CYFIP2: variants seen among roughly 807,000 people sequenced by gnomAD.
The protein encoded by CYFIP2 is cytoplasmic FMR1-interacting protein 2.
In CYFIP2, 29 loss-of-function variants were observed where a neutral mutation model predicts 158.7. The ratio of observed to expected loss-of-function variants is 0.18; its 90% confidence interval spans 0.14 to 0.25. CYFIP2 has a LOEUF of 0.25. Among genes scored for constraint, CYFIP2 ranks in the 10% least tolerant of loss-of-function variants. The probability of loss-of-function intolerance (pLI) is 1.00; values close to 1 mark genes in which losing one functional copy is unlikely to be tolerated. For synonymous variants in CYFIP2, 585 were observed against 617.6 expected (o/e 0.95, Z 0.78); for missense variants, 852 against 1,639.5 (o/e 0.52, Z 8.29).
intron 23 of CYFIP2, chr5:157,342,786 A>G (rs190293152): frequency 2.8e-6 from 4 of 1,406,682 alleles, no homozygotes; most frequent in East Asian, 4.8e-5. Context: ...TGGGTAGTCT[A>G]TAGACACATT....
intron 1 of CYFIP2, among the ~76,000 whole-genome samples, chr5:157,270,392 G>T (rs1755992508): frequency 6.6e-6 from 1 of 152,192 alleles, no homozygotes; most frequent in Admixed American, 6.5e-5. Flanking sequence ...TTGCCTATGT[G>T]GGTGGAATAA....
At chr5:157,301,545 C>G (rs1028774037) in intron 6 of CYFIP2, among the ~76,000 whole-genome samples, 3 of 152,168 alleles carry the variant, frequency 2.0e-5, no homozygotes, top group African/African-American at 7.2e-5. Flanking sequence ...TATGCTAAAC[C>G]TTCTATCAGT....
In CYFIP2 at chr5:157,360,350, C is replaced by T. The variant is rs1763721742; in HGVS notation, c.2886C>T (p.Pro962=). 6.2e-7 allele frequency: 1 copy of T among 1,613,818 alleles called. No individual in the cohort carries two copies. Among genetic ancestry groups the T allele is most frequent in the Non-Finnish European group, 8.5e-7 (1 of 1,179,768 alleles). The change falls in exon 25 of 31, where the codon CCC becomes CCT. Residue 962 remains proline, a synonymous_variant. Coordinates refer to ENST00000620254, the MANE Select transcript of CYFIP2 (RefSeq NM_001037333.3). The part of the protein sequence containing the change: ...IEVMPKICRL[P]RHEYGSPGIL... ...TGATGCCCAAGATATGCCGCTTGCC[C>T]CGACATGAGTATGGCTCCCCAGGTT...
intron 23 of CYFIP2, chr5:157,342,904 C>A (rs1249049123): frequency 2.5e-6 from 4 of 1,614,066 alleles, no homozygotes; most frequent in Admixed American, 3.3e-5. Flanking sequence ...GGTCACCACC[C>A]CCCCTCTGTA....
Position 157,287,063 on chromosome 5 carries a change from G to A in CYFIP2, c.162G>A (p.Thr54=), listed in dbSNP as rs375350435. Residue 54 remains threonine (T), a synonymous_variant, in exon 3 of 31, where the codon ACG becomes ACA. Coordinates refer to ENST00000620254, the MANE Select transcript of CYFIP2 (RefSeq NM_001037333.3). ...TNFEDRNAFV[T]GIARYIEQAT... is the part of the protein sequence containing the mutation. ...TTGAGGACAGGAATGCATTTGTCAC[G>A]GGCATTGCAAGGTACATTGAGCAGG... 3.7e-6 allele frequency: 6 copies of A among 1,613,330 alleles called. No individual in the cohort carries two copies. Among genetic ancestry groups the A allele is most frequent in the African/African-American group, 2.7e-5 (2 of 74,862 alleles).
intron 23 of CYFIP2, among the ~76,000 whole-genome samples, chr5:157,344,833 A>G (rs998754900): frequency 6.6e-6 from 1 of 152,190 alleles, no homozygotes; most frequent in Non-Finnish European, 1.5e-5. Context: ...GGCTATTATG[A>G]CCTGCCTTTC....
At chr5:157,326,500 C>T (rs1297601895) in intron 18 of CYFIP2, among the ~76,000 whole-genome samples, 1 of 152,216 alleles carries the variant, frequency 6.6e-6, no homozygotes, top group East Asian at 1.9e-4. Context: ...CTGTGCTGCA[C>T]CATGAAGGGC....
intron 12 of CYFIP2, 60 bp downstream of exon 12, chr5:157,314,523 A>G: frequency 6.3e-7 from 1 of 1,579,910 alleles, no homozygotes; most frequent in African/African-American, 1.4e-5. Flanking sequence ...ATCTGCCTCC[A>G]TCTCCCCCTA....
At chr5:157,374,899 C>T (rs62387475) in intron 26 of CYFIP2, among the ~76,000 whole-genome samples, 3,177 of 152,326 alleles carry the variant, frequency 0.021, 52 homozygotes, top group South Asian at 0.081. Context: ...GCATCAACTG[C>T]GTTGCAAGAC....
At chr5:157,336,509 C>T (rs867716388) in intron 21 of CYFIP2, among the ~76,000 whole-genome samples, 22 of 152,338 alleles carry the variant, frequency 1.4e-4, no homozygotes, top group African/African-American at 5.3e-4. Context: ...GCCTCAGTGG[C>T]AGGCTTCATT....
At chr5:157,392,775 C>A in intron 30 of CYFIP2, 58 bp from the exon 31 acceptor site, 1 of 1,583,608 alleles carries the variant, frequency 6.3e-7, no homozygotes, top group South Asian at 1.2e-5. Flanking sequence ...TCCTGTTACT[C>A]CCTCTTTCCA....
At chr5:157,378,645 G>A (rs1412693632) in intron 26 of CYFIP2, among the ~76,000 whole-genome samples, 2 of 152,124 alleles carry the variant, frequency 1.3e-5, no homozygotes, top group Non-Finnish European at 2.9e-5. Flanking sequence ...ATCTGTGTGC[G>A]GACCTAGTTA....
intron 23 of CYFIP2, chr5:157,343,244 C>G: frequency 6.2e-7 from 1 of 1,614,194 alleles, no homozygotes. Context: ...AGCCAGCGGA[C>G]TCTTATCCAG....
At chr5:157,387,194 C>T (rs1766783829) in intron 28 of CYFIP2, among the ~76,000 whole-genome samples, 1 of 152,188 alleles carries the variant, frequency 6.6e-6, no homozygotes, top group African/African-American at 2.4e-5. Context: ...TAAGAATGCT[C>T]ATCTCTGGGT....
intron 6 of CYFIP2, 108 bp from the exon 7 acceptor site, chr5:157,302,686 C>A: frequency 1.3e-6 from 1 of 766,024 alleles, no homozygotes; most frequent in Non-Finnish European, 2.1e-6. Context: ...TCATTAACTT[C>A]CAGGATGATG....
rs368529367 is a variant in CYFIP2, at chr5:157,383,274, G to T, written c.3122G>T (p.Arg1041Leu). The T allele has an allele frequency of 7.7e-5, 125 of 1,613,632 alleles. No individual in the cohort carries two copies. The highest frequency in any genetic ancestry group is 1.7e-5 in the Admixed American group (1 of 59,988). ...GCGACTCCTTTTGCAGAGGGGGAGC[G>T]CCTGGAGGTCCGGATGAAACGTCTG... ...LPRVYIKEGERLEVRMKRLEA... is the reference protein window; with the variant it reads ...LPRVYIKEGELLEVRMKRLEA... Residue 1041 changes from arginine to leucine, a missense_variant, in exon 28 of 31, where the codon CGC becomes CTC. Physicochemically the swap from Arg to Leu is moderately radical, Grantham distance 102 (BLOSUM62 -2). Transcript: ENST00000620254.
At chr5:157,353,834 GC>G (rs1235353214) in intron 23 of CYFIP2, among the ~76,000 whole-genome samples, 1 of 152,170 alleles carries the variant, frequency 6.6e-6, no homozygotes, top group African/African-American at 2.4e-5. Flanking sequence ...TCTGAAAACA[GC>G]AATTGTGATT....
At position 157,390,530 on chromosome 5, in the gene CYFIP2, C is replaced by T. The variant is rs1207573885; in HGVS notation, c.3456C>T (p.Phe1152=). 1.4e-5 allele frequency: 21 copies of T among 1,493,474 alleles called. No homozygotes were observed. The highest frequency in any genetic ancestry group is 2.8e-5 in the African/African-American group (2 of 71,358). 92.5% of individuals were successfully genotyped at this position (1,493,474 alleles called of 1,614,324 possible). Residue 1152 remains phenylalanine (F), a synonymous_variant, in exon 30 of 31, where the codon TTC becomes TTT. Coordinates refer to ENST00000620254, the MANE Select transcript of CYFIP2 (RefSeq NM_001037333.3). The stretch of plus-strand genomic sequence containing the variant: ...CTCCCCCTGCTCCCAGGCAGTGTTT[C>T]GGCGATGGCTTGAACTGGGCTGGTT... ...GTNEFTAEQC[F]GDGLNWAGCS... is the part of the protein sequence containing the mutation.
intron 21 of CYFIP2, among the ~76,000 whole-genome samples, chr5:157,334,176 GA>G (rs1195424619): frequency 1.3e-5 from 2 of 152,188 alleles, no homozygotes; most frequent in Non-Finnish European, 2.9e-5. Context: ...AGAACTTTGA[GA>G]AAAATACTGC....
Sources: allele counts gnomAD v4.1 joint callset (sites outside exome capture counted in the v4.1 genomes callset), GRCh38; gene constraint gnomAD v4.1.1; transcripts MANE v1.5; gene names NCBI Gene and HGNC (gene_info 2026-07-23, HGNC 2026-07-21).